The following S100Z variants were observed in gnomAD, a reference collection of about 807,000 sequenced individuals.
S100Z encodes the protein S100 calcium binding protein Z.
A neutral mutation model predicts 8.5 loss-of-function variants in S100Z; 11 were observed. The ratio of observed to expected loss-of-function variants is 1.30; its 90% CI spans 0.82 to 2.15. S100Z has a LOEUF of 2.15. Among genes scored for constraint, S100Z ranks in the 30% most tolerant of loss-of-function variants. S100Z has a pLI of 0.00. For synonymous variants in S100Z, 34 were observed against 43.8 expected (o/e 0.78, Z 0.89); for missense variants, 126 against 117.9 (o/e 1.07, Z -0.32).
In S100Z at chr5:76,862,427, A is replaced by G. The variant is rs368177535; in HGVS notation, c.-175-7739A>G. Among the ~76,000 whole-genome samples, 125 of 152,230 alleles carry G rather than the reference A, an allele frequency of 8.2e-4. No individual in the cohort carries two copies. The South Asian group carries it at 0.011, about 14-fold the overall frequency. ...TCAGCCGCTGATTGGTCACAGGCCA[A>G]TCCTTCATAGGGTGTAGCCAATTGG... On this transcript the variant is annotated intron_variant, in intron 1 of 4. Coordinates refer to ENST00000317593, the MANE Select transcript of S100Z (RefSeq NM_130772.4).
rs1743142837 is a variant in S100Z, at chr5:76,875,192, G to A, written c.-56-112G>A. The A allele has an allele frequency of 1.2e-5, 7 of 598,562 alleles. No homozygotes were observed. The South Asian group carries it at 1.8e-4, about 15-fold the overall frequency. 37.1% of individuals were successfully genotyped at this position (598,562 alleles called of 1,614,324 possible). ...AGGCTTGAGCCACCGCGCCTGCGCA[G>A]ACTATTATGTTTTTAACAACCATCA... On this transcript the variant is annotated intron_variant, in intron 2 of 4. Coordinates refer to ENST00000317593, the MANE Select transcript of S100Z (RefSeq NM_130772.4).
the S100Z span, among the ~76,000 whole-genome samples, chr5:76,941,214 A>G: frequency 6.6e-6 from 1 of 152,070 alleles, no homozygotes; most frequent in Non-Finnish European, 1.5e-5. Flanking sequence ...GGGCGCCAAG[A>G]TTTTTGTTTT....
chr5:76,931,833 CAG>C, the S100Z span, among the ~76,000 whole-genome samples: 1 of 151,964 alleles, frequency 6.6e-6, no homozygotes, highest in Non-Finnish European at 1.5e-5. Flanking sequence ...ACATAAGTCT[CAG>C]TGTGTAAAAT....
In S100Z at chr5:76,874,801, G is replaced by C. The variant is rs185598869; in HGVS notation, c.-56-503G>C. The stretch of plus-strand genomic sequence containing the variant: ...CTCTTGGGGGTGTAGGGATTAGCGA[G>C]GAGAAACAACTCAGCTGCGAAGTGC... On this transcript the variant is annotated intron_variant, in intron 2 of 4. Coordinates refer to ENST00000317593, the MANE Select transcript of S100Z (RefSeq NM_130772.4). Among the ~76,000 whole-genome samples the C allele has an allele frequency of 2.6e-3, 391 of 152,170 alleles. 1 individual carries two copies. Among genetic ancestry groups the C allele is most frequent in the African/African-American group, 8.9e-3 (370 of 41,512 alleles).
the S100Z span, among the ~76,000 whole-genome samples, chr5:76,939,494 T>C: frequency 6.9e-6 from 1 of 144,578 alleles, no homozygotes; most frequent in Non-Finnish European, 1.5e-5. Context: ...GGTGAAATAG[T>C]ATGAAACAAA....
the S100Z span, among the ~76,000 whole-genome samples, chr5:76,936,766 C>T: frequency 6.6e-6 from 1 of 152,072 alleles, no homozygotes; most frequent in Admixed American, 6.6e-5. Context: ...GGTAAATGAA[C>T]CAAGCTGCTT....
chr5:76,939,830 G>T, the S100Z span, among the ~76,000 whole-genome samples: 1 of 151,032 alleles, frequency 6.6e-6, no homozygotes, highest in East Asian at 2.0e-4. Context: ...TTTTTTCAAT[G>T]TTTTTAAAAT....
At chr5:76,881,118 T>A (rs1462512434) in intron 4 of S100Z, among the ~76,000 whole-genome samples, 1 of 152,210 alleles carries the variant, frequency 6.6e-6, no homozygotes, top group Non-Finnish European at 1.5e-5. Flanking sequence ...ACTTTGTCAC[T>A]GAAGAACTTC....
At chr5:76,925,978 T>C (rs181790310), downstream of S100Z, among the ~76,000 whole-genome samples, 1 of 151,904 alleles carries the variant, frequency 6.6e-6, no homozygotes, top group East Asian at 1.9e-4. Flanking sequence ...AGAAACAAAA[T>C]AAAACAAAGA....
the S100Z span, among the ~76,000 whole-genome samples, chr5:76,947,527 C>T: frequency 3.3e-5 from 5 of 152,090 alleles, no homozygotes; most frequent in African/African-American, 1.2e-4. Flanking sequence ...TTATAAAATT[C>T]GTATGAAACC....
At chr5:76,943,256 G>A in the S100Z span, among the ~76,000 whole-genome samples, 3 of 152,118 alleles carry the variant, frequency 2.0e-5, no homozygotes. Flanking sequence ...CTCCCTGTAT[G>A]TGGTCTCTCC....
chr5:76,879,858 A>G (rs941542718), intron 4 of S100Z, among the ~76,000 whole-genome samples: 1 of 152,154 alleles, frequency 6.6e-6, no homozygotes, highest in Non-Finnish European at 1.5e-5. Flanking sequence ...GTGAAGTAGG[A>G]TGAGAACGAA....
At chr5:76,857,150 G>A (rs1251699562) in intron 1 of S100Z, among the ~76,000 whole-genome samples, 1 of 152,084 alleles carries the variant, frequency 6.6e-6, no homozygotes, top group Non-Finnish European at 1.5e-5. Context: ...AAATTAGCCA[G>A]GCGTGGTGGC....
intron 4 of S100Z, among the ~76,000 whole-genome samples, chr5:76,902,421 A>C (rs1043445070): frequency 2.0e-5 from 3 of 152,190 alleles, no homozygotes; most frequent in Non-Finnish European, 4.4e-5. Flanking sequence ...TCAATGCTTC[A>C]CAATTGCAGT....
chr5:76,922,379 C>T (rs1289773110), downstream of S100Z, among the ~76,000 whole-genome samples: 1 of 152,192 alleles, frequency 6.6e-6, no homozygotes, highest in Admixed American at 6.5e-5. Flanking sequence ...AAGGAAGCTT[C>T]AAGAGATTAC....
chr5:76,911,575 G>T (rs1017304283), intron 4 of S100Z, among the ~76,000 whole-genome samples: 2 of 152,178 alleles, frequency 1.3e-5, no homozygotes, highest in African/African-American at 4.8e-5. Context: ...GTCAGGCACT[G>T]GTCCAAGATC....
intron 4 of S100Z, among the ~76,000 whole-genome samples, chr5:76,913,823 G>A (rs6890441): frequency 0.027 from 4,075 of 152,244 alleles, 197 homozygotes; most frequent in African/African-American, 0.091. Context: ...ACCAGTTAGG[G>A]ATAGTACGAG....
Position 76,921,210 on chromosome 5 carries a change from T to G in S100Z, c.*496T>G, listed in dbSNP as rs1745024215. 2 of 152,230 alleles carry G rather than the reference T, an allele frequency of 1.3e-5. No individual in the cohort carries two copies. Among genetic ancestry groups the G allele is most frequent in the Non-Finnish European group, 2.9e-5 (2 of 68,034 alleles). The allele number at this position is 152,230 out of a possible 1,614,324, so 9.4% of individuals were successfully genotyped here. ...TGTTATCTATATAGTTCCAGCTTAA[T>G]AAATATACAACTGTATTATTATTTT... On this transcript the variant is annotated 3_prime_UTR_variant, in exon 5 of 5. Transcript: ENST00000317593.
At chr5:76,879,886 TG>T (rs1359642852) in intron 4 of S100Z, among the ~76,000 whole-genome samples, 6 of 151,736 alleles carry the variant, frequency 4.0e-5, no homozygotes, top group Non-Finnish European at 7.4e-5. Context: ...CCACTAGATT[TG>T]GGAAGGTGGA....
Sources: allele counts gnomAD v4.1 joint callset (sites outside exome capture counted in the v4.1 genomes callset), GRCh38; gene constraint gnomAD v4.1.1; transcripts MANE v1.5; gene names NCBI Gene and HGNC (gene_info 2026-07-23, HGNC 2026-07-21).